MYO16: variants seen among roughly 807,000 people sequenced by gnomAD.
MYO16 encodes unconventional myosin-XVI.
Under a neutral mutation model 205.3 loss-of-function variants are expected in MYO16, and 94 were observed. The observed-to-expected ratio is 0.46, with a 90% CI of 0.39 to 0.54. The LOEUF (loss-of-function observed/expected upper bound fraction) is 0.54, where lower values mean the gene tolerates loss of function less well. MYO16 is among the 20% of genes least tolerant of loss of function. The pLI, the probability that MYO16 is intolerant of heterozygous loss-of-function variation, is 0.00. For synonymous variants in MYO16, 988 were observed against 954.0 expected (o/e 1.04, Z -0.66); for missense variants, 2,315 against 2,387.5 (o/e 0.97, Z 0.63).
chr13:109,163,547 C>A (rs1878496574), intron 32 of MYO16, among the ~76,000 whole-genome samples: 1 of 126,822 alleles, frequency 7.9e-6, no homozygotes, highest in Non-Finnish European at 1.6e-5. Context: ...CCCTTTCTTT[C>A]CTTTTTTGCT....
At chr13:108,521,035 G>A in the MYO16 span, among the ~76,000 whole-genome samples, 11 of 150,996 alleles carry the variant, frequency 7.3e-5, 1 homozygote, top group African/African-American at 2.2e-4. Context: ...CTCTTCTTCT[G>A]TCACTTCCTC....
At chr13:108,731,399 A>G (rs1884517748) in intron 4 of MYO16, among the ~76,000 whole-genome samples, 1 of 152,242 alleles carries the variant, frequency 6.6e-6, no homozygotes, top group Non-Finnish European at 1.5e-5. Flanking sequence ...CTGCCGTATA[A>G]CCACATCCAT....
intron 1 of MYO16, among the ~76,000 whole-genome samples, chr13:108,638,927 T>C (rs181242191): frequency 7.2e-5 from 11 of 152,144 alleles, no homozygotes; most frequent in Admixed American, 7.2e-4. Flanking sequence ...TTACTGAAGA[T>C]CAATGGATGA....
In MYO16 at chr13:109,009,045, T is replaced by C; in HGVS notation, c.2591T>C (p.Phe864Ser). 6.3e-7 allele frequency: 1 copy of C among 1,586,236 alleles called. No homozygotes were observed. The highest frequency in any genetic ancestry group is 8.6e-7 in the Non-Finnish European group (1 of 1,169,430). The change falls in exon 22 of 35, where the codon TTC (phenylalanine) becomes TCC (serine). Residue 864 changes from phenylalanine to serine, a missense_variant. By Grantham distance (155) the Phe-to-Ser change is radical. Transcript: ENST00000457511. ...GNQNGVLDFF[F>S]QKPSGFLTLL... Reference sequence around the variant, plus strand: ...CAGAATGGAGTTTTGGACTTTTTTTTCCAGGTATTCATATAATATAATTAG... The same window carrying C: ...CAGAATGGAGTTTTGGACTTTTTTTCCCAGGTATTCATATAATATAATTAG...
At chr13:109,010,071 C>G (rs1440641304) in intron 22 of MYO16, among the ~76,000 whole-genome samples, 1 of 152,120 alleles carries the variant, frequency 6.6e-6, no homozygotes, top group Non-Finnish European at 1.5e-5. Flanking sequence ...CAAGGATTAC[C>G]TATTTGTCCC....
Position 109,127,455 on chromosome 13 carries a change from C to T in MYO16, c.3956C>T (p.Pro1319Leu), listed in dbSNP as rs1753277518. Residue 1319 changes from proline to leucine, a missense_variant, in exon 31 of 35, where the codon CCG becomes CTG. Pro to Leu is a moderately conservative substitution (Grantham distance 98). This residue lies in a region of MYO16 where 1,097 missense variants were observed against 1,092.0 expected (regional missense o/e 1.00). Transcript: ENST00000457511. This position sits in a 1 kb window ranked among gnomAD's most constrained non-coding sequence, Gnocchi z 4.2. The part of the protein sequence containing the change: ...SSLPSPRKQP[P>L]PKPKRDPNTR... Reference sequence around the variant, plus strand: ...CTCCCGTCTCCACGGAAACAGCCCCCGCCCAAGCCAAAGAGGGACCCCAAC... The same window carrying T: ...CTCCCGTCTCCACGGAAACAGCCCCTGCCCAAGCCAAAGAGGGACCCCAAC... 2 of 1,613,902 alleles carry T rather than the reference C, an allele frequency of 1.2e-6. No homozygotes were observed. Among genetic ancestry groups the T allele is most frequent in the Non-Finnish European group, 8.5e-7 (1 of 1,180,014 alleles).
At chr13:109,150,745 C>T (rs1454080193) in intron 32 of MYO16, among the ~76,000 whole-genome samples, 1 of 152,176 alleles carries the variant, frequency 6.6e-6, no homozygotes, top group East Asian at 1.9e-4. Flanking sequence ...TCTTTCATAA[C>T]CAGTAAATAT....
chr13:108,681,348 G>A lies in MYO16; in HGVS notation c.292+15199G>A, dbSNP rs16972918. 4.9e-3 allele frequency among the ~76,000 whole-genome samples: 740 copies of A among 152,186 alleles called. 8 individuals are homozygous for A. The highest frequency in any genetic ancestry group is 0.017 in the African/African-American group (688 of 41,532). On this transcript the variant is annotated intron_variant, in intron 2 of 34. Coordinates refer to ENST00000457511, the MANE Select transcript of MYO16 (RefSeq NM_001198950.3). Reference sequence around the variant, plus strand: ...TTGCTCTTCACCCTGCATGTGACTCGGTGCCTAAAGTGATGCTTGTAACTT... The same window carrying A: ...TTGCTCTTCACCCTGCATGTGACTCAGTGCCTAAAGTGATGCTTGTAACTT...
At chr13:109,065,407 A>G (rs1160719724) in intron 27 of MYO16, among the ~76,000 whole-genome samples, 3 of 152,016 alleles carry the variant, frequency 2.0e-5, no homozygotes, top group African/African-American at 7.2e-5. Context: ...ATACATATTA[A>G]TTATTATTTT....
intron 1 of MYO16, among the ~76,000 whole-genome samples, chr13:108,619,817 A>T: frequency 6.6e-6 from 1 of 151,992 alleles, no homozygotes; most frequent in Admixed American, 6.6e-5. Context: ...TATACACAAC[A>T]CCAACATGTA....
intron 11 of MYO16, among the ~76,000 whole-genome samples, chr13:108,862,030 A>G (rs947950440): frequency 3.9e-5 from 6 of 152,172 alleles, no homozygotes; most frequent in Non-Finnish European, 8.8e-5. Flanking sequence ...TTTTCTTTAT[A>G]ACATTTTATT....
chr13:108,639,986 G>A (rs1170079885), intron 1 of MYO16, among the ~76,000 whole-genome samples: 1 of 152,216 alleles, frequency 6.6e-6, no homozygotes, highest in African/African-American at 2.4e-5. Context: ...GGCATGCCAA[G>A]TCCCACGGTA....
At chr13:108,926,560 C>T (rs1882015171) in intron 16 of MYO16, among the ~76,000 whole-genome samples, 1 of 152,092 alleles carries the variant, frequency 6.6e-6, no homozygotes, top group Non-Finnish European at 1.5e-5. Flanking sequence ...GAGAAACGAA[C>T]ACACAGGACT....
intron 16 of MYO16, among the ~76,000 whole-genome samples, chr13:108,921,787 T>C (rs1436880603): frequency 6.6e-6 from 1 of 152,206 alleles, no homozygotes; most frequent in Non-Finnish European, 1.5e-5. Flanking sequence ...TAATCCAGGA[T>C]CTACATCTCC....
At chr13:108,518,228 TCTATACAGTTGACC>T in the MYO16 span, among the ~76,000 whole-genome samples, 1 of 152,238 alleles carries the variant, frequency 6.6e-6, no homozygotes, top group Admixed American at 6.5e-5. Context: ...TAATTTGTTG[TCTATACAGTTGACC>T]TCTGACCAAT....
intron 4 of MYO16, among the ~76,000 whole-genome samples, chr13:108,776,924 G>A (rs1886142379): frequency 6.6e-6 from 1 of 152,260 alleles, no homozygotes; most frequent in South Asian, 2.1e-4. Context: ...CCTCTGGGTG[G>A]AGAACAGTGG....
chr13:108,548,919 C>T, the MYO16 span, among the ~76,000 whole-genome samples: 1 of 151,966 alleles, frequency 6.6e-6, no homozygotes, highest in Non-Finnish European at 1.5e-5. Context: ...TTCTTTTTCT[C>T]CATTTTGGGG....
intron 14 of MYO16, among the ~76,000 whole-genome samples, 186 bp from the exon 15 acceptor site, chr13:108,897,830 T>G (rs1011335166): frequency 6.6e-6 from 1 of 152,208 alleles, no homozygotes; most frequent in East Asian, 1.9e-4. Flanking sequence ...AGCCACAATT[T>G]GAGACATAGG....
At chr13:108,640,499 C>T (rs778528876) in intron 1 of MYO16, among the ~76,000 whole-genome samples, 7 of 152,158 alleles carry the variant, frequency 4.6e-5, no homozygotes, top group Non-Finnish European at 1.0e-4. Flanking sequence ...TTGTGCCACT[C>T]CAAAATGCTT....
Sources: gnomAD v4.1 joint callset for allele counts (sites outside exome capture counted in the v4.1 genomes callset) on GRCh38, gnomAD v4.1.1 for gene constraint, gnomAD v4.1.1 regional missense constraint, Gnocchi (gnomAD v3.1) non-coding constraint, MANE v1.5 for transcripts, NCBI Gene and HGNC (gene_info 2026-07-23, HGNC 2026-07-21) for gene names.